The following PTPRD variants were observed in gnomAD, a reference collection of about 807,000 sequenced individuals.
The protein encoded by PTPRD is receptor-type tyrosine-protein phosphatase delta.
In PTPRD, 34 loss-of-function variants were observed where a neutral mutation model predicts 214.5. That is an observed-to-expected ratio of 0.16 (90% CI 0.12 to 0.21). The LOEUF (loss-of-function observed/expected upper bound fraction) is 0.21. Ranked by LOEUF, PTPRD falls within the 10% of genes least tolerant of loss-of-function variation. PTPRD has a pLI of 1.00. For missense variants in PTPRD, 2,545 were observed against 2,398.7 expected (o/e 1.06, Z -1.27); for synonymous variants, 1,128 against 845.7 (o/e 1.33, Z -5.79).
chr9:10,442,838 T>A (rs933017102), intron 2 of PTPRD, among the ~76,000 whole-genome samples: 3 of 151,562 alleles, frequency 2.0e-5, no homozygotes, highest in Non-Finnish European at 4.4e-5. Flanking sequence ...GATACACTAA[T>A]AATTAGACTA....
At chr9:10,410,246 A>C (rs2098419463) in intron 2 of PTPRD, among the ~76,000 whole-genome samples, 1 of 51,114 alleles carries the variant, frequency 2.0e-5, no homozygotes, top group Admixed American at 1.8e-4. Flanking sequence ...AACTGGACAT[A>C]TTTTGTGTAT....
intron 2 of PTPRD, among the ~76,000 whole-genome samples, chr9:10,487,210 T>C (rs1258485105): frequency 2.0e-5 from 3 of 152,178 alleles, no homozygotes; most frequent in Non-Finnish European, 4.4e-5. Context: ...GTGTTTCTTA[T>C]AGGCAACAGA....
chr9:8,617,165 G>A (rs2095640439), intron 14 of PTPRD, among the ~76,000 whole-genome samples: 3 of 152,070 alleles, frequency 2.0e-5, no homozygotes, highest in Non-Finnish European at 4.4e-5. Context: ...CCTTGGATGG[G>A]TCAAGGGATG....
chr9:9,182,856 C>T (rs1203598366), intron 10 of PTPRD, among the ~76,000 whole-genome samples: 1 of 151,942 alleles, frequency 6.6e-6, no homozygotes, highest in African/African-American at 2.4e-5. Flanking sequence ...TTTATTCCCT[C>T]ATTAACAATA....
intron 3 of PTPRD, among the ~76,000 whole-genome samples, chr9:10,061,115 A>G (rs1157348550): frequency 6.6e-6 from 1 of 151,746 alleles, no homozygotes; most frequent in Non-Finnish European, 1.5e-5. Flanking sequence ...AGCCAAGGGT[A>G]TGATATATTC....
intron 10 of PTPRD, among the ~76,000 whole-genome samples, chr9:9,043,095 A>G (rs1037345805): frequency 6.6e-6 from 1 of 152,156 alleles, no homozygotes; most frequent in East Asian, 1.9e-4. Flanking sequence ...TAAATTTACA[A>G]CAAATTAGTT....
At chr9:9,471,667 AGG>A (rs1234950784) in intron 8 of PTPRD, among the ~76,000 whole-genome samples, 141 of 152,306 alleles carry the variant, frequency 9.3e-4, no homozygotes, top group African/African-American at 3.0e-3. Flanking sequence ...ATTTCATTAT[AGG>A]AGATGTATTG....
At chr9:9,310,482 G>T (rs575018144) in intron 9 of PTPRD, among the ~76,000 whole-genome samples, 66 of 152,184 alleles carry the variant, frequency 4.3e-4, no homozygotes, top group African/African-American at 1.5e-3. Flanking sequence ...ATCCTCTGTT[G>T]TATTTCTTTA....
At chr9:9,286,875 T>TGA (rs1341141270) in intron 9 of PTPRD, among the ~76,000 whole-genome samples, 333 of 2,448 alleles carry the variant, frequency 0.14, 19 homozygotes, top group Non-Finnish European at 0.18. Context: ...AACTACTGAA[T>TGA]ATATATATAT....
intron 3 of PTPRD, among the ~76,000 whole-genome samples, chr9:10,318,769 A>T (rs1413180570): frequency 6.6e-6 from 1 of 152,028 alleles, no homozygotes; most frequent in Non-Finnish European, 1.5e-5. Flanking sequence ...TTGCCACCAC[A>T]TCCAGCCATA....
At chr9:10,213,755 T>A (rs999433728) in intron 3 of PTPRD, among the ~76,000 whole-genome samples, 1 of 152,238 alleles carries the variant, frequency 6.6e-6, no homozygotes, top group African/African-American at 2.4e-5. Context: ...ACAAAACAAA[T>A]AACACTTTTG....
chr9:10,231,495 T>C (rs1019676534), intron 3 of PTPRD, among the ~76,000 whole-genome samples: 2 of 151,906 alleles, frequency 1.3e-5, no homozygotes, highest in African/African-American at 4.8e-5. Context: ...TCTCTGCTGA[T>C]TAATTGGTGA....
intron 10 of PTPRD, among the ~76,000 whole-genome samples, chr9:9,019,610 G>A (rs1235893481): frequency 6.6e-6 from 1 of 152,142 alleles, no homozygotes; most frequent in Non-Finnish European, 1.5e-5. Context: ...GGAGGCTGAG[G>A]CAGGAGAATC....
chr9:9,527,875 G>C (rs1053739197), intron 8 of PTPRD, among the ~76,000 whole-genome samples: 2 of 152,086 alleles, frequency 1.3e-5, no homozygotes, highest in African/African-American at 4.8e-5. Context: ...AAAACTTCTG[G>C]CTAGAATGTA....
chr9:8,540,329 G>A (rs2078078249), intron 14 of PTPRD, among the ~76,000 whole-genome samples: 1 of 151,846 alleles, frequency 6.6e-6, no homozygotes, highest in Non-Finnish European at 1.5e-5. Context: ...CTATTTAAAT[G>A]ACACTCCAAC....
chr9:9,568,372 A>C (rs932695075), intron 8 of PTPRD, among the ~76,000 whole-genome samples: 1 of 151,896 alleles, frequency 6.6e-6, no homozygotes, highest in East Asian at 1.9e-4. Context: ...CAGGCTTCCT[A>C]AGTTCCACAA....
chr9:9,548,066 T>C (rs2079234798), intron 8 of PTPRD, among the ~76,000 whole-genome samples: 1 of 151,906 alleles, frequency 6.6e-6, no homozygotes, highest in Non-Finnish European at 1.5e-5. Flanking sequence ...AAAATGAAGT[T>C]GAAATAAAGA....
chr9:9,687,905 A>G (rs1167394982), intron 7 of PTPRD, among the ~76,000 whole-genome samples: 7 of 151,920 alleles, frequency 4.6e-5, no homozygotes, highest in Admixed American at 1.3e-4. Flanking sequence ...TGTAATCCCA[A>G]TAAGTTAAGG....
At chr9:8,324,163 C>A (rs952219979) in intron 44 of PTPRD, among the ~76,000 whole-genome samples, 39 of 150,994 alleles carry the variant, frequency 2.6e-4, no homozygotes, top group East Asian at 3.9e-4. Context: ...TGGTTTGTTA[C>A]ATAGGTATAA....
Sources: allele counts gnomAD v4.1 joint callset (sites outside exome capture counted in the v4.1 genomes callset), GRCh38; gene constraint gnomAD v4.1.1; transcripts MANE v1.5; gene names NCBI Gene and HGNC (gene_info 2026-07-23, HGNC 2026-07-21).